Variants in ONECUT1 observed in about 807,000 individuals in gnomAD.
The protein encoded by ONECUT1 is hepatocyte nuclear factor 6.
In ONECUT1, 12 loss-of-function variants were observed where a neutral mutation model predicts 25.6. That is an observed-to-expected ratio of 0.47 (90% CI 0.30 to 0.76). The LOEUF is 0.76. Ranked by LOEUF, ONECUT1 falls within the 30% of genes least tolerant of loss-of-function variation. The pLI, the probability that ONECUT1 is intolerant of heterozygous loss-of-function variation, is 0.07. For missense variants in ONECUT1, 620 were observed against 651.2 expected, an observed-to-expected ratio of 0.95 and a Z score of 0.52; for synonymous variants, 285 against 270.2, an observed-to-expected ratio of 1.05 and a Z score of -0.54.
At chr15:52,766,501 C>G (rs866215390) in intron 1 of ONECUT1, among the ~76,000 whole-genome samples, 1 of 152,200 alleles carries the variant, frequency 6.6e-6, no homozygotes, top group Non-Finnish European at 1.5e-5. Flanking sequence ...AGTTGTCAGC[C>G]AGATCCGTCT....
intron 1 of ONECUT1, among the ~76,000 whole-genome samples, chr15:52,786,818 C>A (rs1413455540): frequency 6.7e-6 from 1 of 150,182 alleles, no homozygotes; most frequent in Non-Finnish European, 1.5e-5. Flanking sequence ...ATATTGAAGT[C>A]CAGAGCAAGA....
intron 1 of ONECUT1, among the ~76,000 whole-genome samples, chr15:52,774,680 T>A (rs1427044691): frequency 1.3e-5 from 2 of 152,088 alleles, no homozygotes; most frequent in Non-Finnish European, 2.9e-5. Context: ...ATGGTAAGTA[T>A]CAAACAAATG....
At chr15:52,767,252 G>A (rs1288605502) in intron 1 of ONECUT1, among the ~76,000 whole-genome samples, 1 of 151,928 alleles carries the variant, frequency 6.6e-6, no homozygotes, top group Non-Finnish European at 1.5e-5. Flanking sequence ...CAGACTATGG[G>A]GAAACAGAGA....
At chr15:52,776,133 TC>T (rs1429176334) in intron 1 of ONECUT1, among the ~76,000 whole-genome samples, 2 of 152,182 alleles carry the variant, frequency 1.3e-5, no homozygotes, top group African/African-American at 4.8e-5. Context: ...CGTGCTCACA[TC>T]ATGTCTCTCT....
Position 52,789,329 on chromosome 15 carries a change from C to A in ONECUT1, c.556G>T (p.Gly186Cys). Residue 186 changes from glycine to cysteine, a missense_variant, in exon 1 of 2, where the codon GGT becomes TGT. Around this residue, in one of 4 missense-constraint regions of ONECUT1, gnomAD observed 440 missense variants for 404.9 expected, o/e 1.09. Coordinates refer to ENST00000305901, the MANE Select transcript of ONECUT1 (RefSeq NM_004498.4). The surrounding 1 kb of genome is among the most constrained non-coding windows in gnomAD (Gnocchi z 4.1). ...GQSLSPLSSS[G>C]LGSIHNSQQG... ...TGGGAGTTGTGGATGCTGCCCAGAC[C>A]GGAGCTGGAGAGGGGCGAGAGGCTC... is the stretch of plus-strand genomic sequence containing the variant. 6.3e-7 allele frequency: 1 copy of A among 1,583,432 alleles called. No homozygotes were observed. Among genetic ancestry groups the A allele is most frequent in the Non-Finnish European group, 8.6e-7 (1 of 1,162,578 alleles).
intron 1 of ONECUT1, chr15:52,780,518 T>C (rs912632133): frequency 1.4e-6 from 2 of 1,406,146 alleles, no homozygotes; most frequent in African/African-American, 2.8e-5. Context: ...CATAAGTAAT[T>C]AGAATTTAAT....
At chr15:52,777,737 C>CACACACACACACACACAAAAAAA (rs57187579) in intron 1 of ONECUT1, among the ~76,000 whole-genome samples, 2 of 103,452 alleles carry the variant, frequency 1.9e-5, no homozygotes, top group African/African-American at 8.9e-5. Context: ...CACACACACA[C>CACACACACACACACACAAAAAAA]AAAAAAACAT....
rs2083899214 is a variant in ONECUT1 at position 52,789,231 on chromosome 15, G to C, written c.654C>G (p.Phe218Leu). ...PTDKMLTPNG[F>L]EAHHPAMLGR... ...CGAGCATGGCCGGGTGGTGGGCTTC[G>C]AAGCCGTTGGGGGTGAGCATCTTGT... Residue 218 changes from phenylalanine to leucine, a missense_variant, in exon 1 of 2, where the codon TTC becomes TTG. Transcript: ENST00000305901. This position sits in a 1 kb window ranked among gnomAD's most constrained non-coding sequence, Gnocchi z 4.1. The C allele has an allele frequency of 1.9e-6, 3 of 1,557,818 alleles. No individual in the cohort carries two copies. The African/African-American group carries it at 4.1e-5, about 21-fold the overall frequency.
chr15:52,757,369 G>C lies in ONECUT1; in HGVS notation c.*186C>G. The C allele has an allele frequency of 1.6e-6, 1 of 633,400 alleles. No homozygotes were observed. The highest frequency in any genetic ancestry group is 2.3e-5 in the South Asian group (1 of 43,598). The allele number at this position is 633,400 out of a possible 1,614,324, so 39.2% of individuals were successfully genotyped here. A position where few individuals can be genotyped will look rare whatever the true frequency, so the allele number is the denominator to read the frequency against. Reference sequence around the variant, plus strand: ...CTTGCCAAGTCGCCGCCCTGCTGAAGTGTGTGTCTCCAAACAAAGTCAGAA... The same window carrying C: ...CTTGCCAAGTCGCCGCCCTGCTGAACTGTGTGTCTCCAAACAAAGTCAGAA... On this transcript the variant is annotated 3_prime_UTR_variant, in exon 2 of 2. Coordinates refer to ENST00000305901, the MANE Select transcript of ONECUT1 (RefSeq NM_004498.4).
intron 1 of ONECUT1, among the ~76,000 whole-genome samples, chr15:52,764,176 G>T (rs1338959328): frequency 1.3e-5 from 2 of 152,186 alleles, no homozygotes; most frequent in Non-Finnish European, 2.9e-5. Context: ...GAATATGTGG[G>T]CATACATATA....
chr15:52,774,672 GGTAA>G (rs1192851418), intron 1 of ONECUT1, among the ~76,000 whole-genome samples: 1 of 152,080 alleles, frequency 6.6e-6, no homozygotes, highest in African/African-American at 2.4e-5. Flanking sequence ...GCTTGAACAT[GGTAA>G]GTATCAAACA....
In ONECUT1 at chr15:52,756,427, G is replaced by T. The variant is rs1465229644; in HGVS notation, c.*1128C>A. ...ACCTTTTACTAAAAAGCATTACTTTGAACAAATTTTCTAATTTAGTTACCC... is the reference window on the plus strand; with the variant it reads ...ACCTTTTACTAAAAAGCATTACTTTTAACAAATTTTCTAATTTAGTTACCC... On this transcript the variant is annotated 3_prime_UTR_variant, in exon 2 of 2. Coordinates refer to ENST00000305901, the MANE Select transcript of ONECUT1 (RefSeq NM_004498.4). Among the ~76,000 whole-genome samples the T allele has an allele frequency of 6.6e-6, 1 of 152,004 alleles. No individual in the cohort carries two copies. Among genetic ancestry groups the T allele is most frequent in the Non-Finnish European group, 1.5e-5 (1 of 67,990 alleles).
chr15:52,763,630 T>C (rs896944170), intron 1 of ONECUT1, among the ~76,000 whole-genome samples: 1 of 152,242 alleles, frequency 6.6e-6, no homozygotes, highest in Admixed American at 6.5e-5. Context: ...CTTTAATATG[T>C]TACTGAGCAT....
Position 52,790,213 on chromosome 15 carries a change from C to T in ONECUT1, c.-329G>A, listed in dbSNP as rs899190707. Among the ~76,000 whole-genome samples the T allele has an allele frequency of 6.6e-6, 1 of 151,474 alleles. No individual in the cohort carries two copies. The highest frequency in any genetic ancestry group is 2.4e-5 in the African/African-American group (1 of 41,322). On this transcript the variant is annotated 5_prime_UTR_variant, in exon 1 of 2. The change creates a new upstream start codon in the 5' untranslated region. Coordinates refer to ENST00000305901, the MANE Select transcript of ONECUT1 (RefSeq NM_004498.4). Reference sequence around the variant, plus strand: ...TGCCCCAGCCCGCCCGCCTCGGCCACCTCTCGCCCCTCTCTTTCTTAAAAT... The same window carrying T: ...TGCCCCAGCCCGCCCGCCTCGGCCATCTCTCGCCCCTCTCTTTCTTAAAAT...
Position 52,762,409 on chromosome 15 carries a change from A to T in ONECUT1, c.1106-4562T>A, listed in dbSNP as rs116944506. Among the ~76,000 whole-genome samples, 23 of 152,302 alleles carry T rather than the reference A, an allele frequency of 1.5e-4. No homozygotes were observed. The East Asian group carries it at 4.4e-3, about 29-fold the overall frequency. On this transcript the variant is annotated intron_variant, in intron 1 of 1. Coordinates refer to ENST00000305901, the MANE Select transcript of ONECUT1 (RefSeq NM_004498.4). ...TAAGCACAGCTAATTCTGTTTCTCA[A>T]ATTTGTTTGACCCCAGAACCCTTTT...
At chr15:52,780,793 G>C in intron 1 of ONECUT1, 1 of 1,387,290 alleles carries the variant, frequency 7.2e-7, no homozygotes, top group East Asian at 2.7e-5. Context: ...AGTTTATTGC[G>C]TTCCTTCGAT....
rs2083859728 is a variant in ONECUT1, at chr15:52,784,229, A to T, written c.1105+4551T>A. 6.6e-6 allele frequency among the ~76,000 whole-genome samples: 1 copy of T among 152,154 alleles called. No homozygotes were observed. The highest frequency in any genetic ancestry group is 1.5e-5 in the Non-Finnish European group (1 of 68,012). ...GGGATTTGGGTCCTCTGCTGCTACA[A>T]CACAACCGTGCTATTGTTGGCACTG... On this transcript the variant is annotated intron_variant, in intron 1 of 1. Transcript: ENST00000305901. The surrounding 1 kb of genome is among the most constrained non-coding windows in gnomAD (Gnocchi z 5.0).
intron 1 of ONECUT1, among the ~76,000 whole-genome samples, chr15:52,786,793 G>A (rs976896022): frequency 6.6e-6 from 1 of 151,900 alleles, no homozygotes; most frequent in Admixed American, 6.5e-5. Flanking sequence ...ACAGCAGGCA[G>A]TGGGGGGAGG....
Position 52,764,816 on chromosome 15 carries a change from C to T in ONECUT1, c.1106-6969G>A, listed in dbSNP as rs191111637. Among the ~76,000 whole-genome samples, 399 of 152,314 alleles carry T rather than the reference C, an allele frequency of 2.6e-3. 1 individual carries two copies. The highest frequency in any genetic ancestry group is 3.5e-3 in the Non-Finnish European group (236 of 68,034). On this transcript the variant is annotated intron_variant, in intron 1 of 1. Transcript: ENST00000305901. ...GCTGAAAACTGCAACCCCTCAGTAG[C>T]ATGCAGGGCCAAGTGTTCTCACACA...
Sources: gnomAD v4.1 joint callset for allele counts (sites outside exome capture counted in the v4.1 genomes callset) on GRCh38, gnomAD v4.1.1 for gene constraint, gnomAD v4.1.1 regional missense constraint, Gnocchi (gnomAD v3.1) non-coding constraint, MANE v1.5 for transcripts, NCBI Gene and HGNC (gene_info 2026-07-23, HGNC 2026-07-21) for gene names.